Variants in NDUFAF2 observed in about 807,000 individuals in gnomAD.
NDUFAF2 encodes NADH:ubiquinone oxidoreductase complex assembly factor 2.
Under a neutral mutation model 22.8 loss-of-function variants are expected in NDUFAF2, and 13 were observed. The ratio of observed to expected loss-of-function variants is 0.57; its 90% CI spans 0.37 to 0.91. The LOEUF is 0.91. NDUFAF2 is among the 40% of genes least tolerant of loss of function. NDUFAF2 has a pLI of 0.01. For synonymous variants in NDUFAF2, 53 were observed against 64.2 expected (o/e 0.83, Z 0.84); for missense variants, 162 against 195.2 (o/e 0.83, Z 1.01).
chr5:61,112,896 T>TC (rs539181042), intron 3 of NDUFAF2, among the ~76,000 whole-genome samples: 92 of 151,722 alleles, frequency 6.1e-4, no homozygotes, highest in Middle Eastern at 6.8e-3. Flanking sequence ...TTCTTTTTTT[T>TC]TTTTTGTATC....
At chr5:60,990,311 C>G (rs1751141520) in intron 1 of NDUFAF2, among the ~76,000 whole-genome samples, 1 of 152,038 alleles carries the variant, frequency 6.6e-6, no homozygotes, top group Non-Finnish European at 1.5e-5. Context: ...GTTTATAACA[C>G]AAAGGATAAA....
At chr5:60,961,419 C>T (rs555493296) in intron 1 of NDUFAF2, among the ~76,000 whole-genome samples, 19 of 152,100 alleles carry the variant, frequency 1.2e-4, no homozygotes, top group African/African-American at 4.6e-4. Flanking sequence ...CACAGTGAAA[C>T]CCTGTCTCTA....
chr5:61,076,861 C>G (rs1752377353), intron 2 of NDUFAF2, among the ~76,000 whole-genome samples: 1 of 152,156 alleles, frequency 6.6e-6, no homozygotes, highest in Non-Finnish European at 1.5e-5. Context: ...GAAGAAGTTG[C>G]ATTCCGGATC....
intron 3 of NDUFAF2, among the ~76,000 whole-genome samples, chr5:61,132,618 G>T (rs1753126353): frequency 6.6e-6 from 1 of 152,148 alleles, no homozygotes; most frequent in South Asian, 2.1e-4. Context: ...AGCCTTTTCA[G>T]TTTCTCTTAG....
In NDUFAF2 at chr5:60,972,556, G is replaced by A. The variant is rs374055965; in HGVS notation, c.127+27174G>A. On this transcript the variant is annotated intron_variant, in intron 1 of 3. Coordinates refer to ENST00000296597, the MANE Select transcript of NDUFAF2 (RefSeq NM_174889.5). ...GCCTCCCAGGTATGCGGAACTGTGA[G>A]TCAATTCAACCTCTTTTCTTTATAA... is the stretch of plus-strand genomic sequence containing the variant. Among the ~76,000 whole-genome samples, 237 of 152,190 alleles carry A rather than the reference G, an allele frequency of 1.6e-3. 1 individual carries two copies. Among genetic ancestry groups the A allele is most frequent in the African/African-American group, 5.5e-3 (230 of 41,556 alleles).
At chr5:61,088,098 T>C (rs1752525405) in intron 2 of NDUFAF2, among the ~76,000 whole-genome samples, 1 of 152,080 alleles carries the variant, frequency 6.6e-6, no homozygotes, top group Non-Finnish European at 1.5e-5. Context: ...ATTGCTGTTG[T>C]AAGACTGAGA....
intron 1 of NDUFAF2, among the ~76,000 whole-genome samples, chr5:61,049,083 T>C (rs1389274776): frequency 3.9e-5 from 6 of 152,152 alleles, no homozygotes; most frequent in Admixed American, 2.0e-4. Flanking sequence ...TCTTTTTATA[T>C]ATATAGAATT....
At chr5:61,052,500 T>A (rs543526624) in intron 1 of NDUFAF2, among the ~76,000 whole-genome samples, 1 of 151,952 alleles carries the variant, frequency 6.6e-6, no homozygotes, top group South Asian at 2.1e-4. Flanking sequence ...TTAGTAGAGA[T>A]GGGGTTTCAC....
At chr5:61,148,672 AAT>A (rs1741181108) in intron 3 of NDUFAF2, among the ~76,000 whole-genome samples, 1 of 152,212 alleles carries the variant, frequency 6.6e-6, no homozygotes, top group East Asian at 1.9e-4. Context: ...ACAGCTGGTA[AAT>A]GGTAAAACTG....
At chr5:61,001,814 A>G (rs778590887) in intron 1 of NDUFAF2, among the ~76,000 whole-genome samples, 1 of 152,132 alleles carries the variant, frequency 6.6e-6, no homozygotes, top group Non-Finnish European at 1.5e-5. Flanking sequence ...TTATATGGTC[A>G]CCTTATATAA....
chr5:61,023,221 G>A (rs1005329637), intron 1 of NDUFAF2, among the ~76,000 whole-genome samples: 1 of 151,634 alleles, frequency 6.6e-6, no homozygotes, highest in Middle Eastern at 3.2e-3. Flanking sequence ...TTTCTTAAGT[G>A]ATTTTTTTTT....
At chr5:61,132,079 G>A (rs1194747126) in intron 3 of NDUFAF2, among the ~76,000 whole-genome samples, 2 of 152,106 alleles carry the variant, frequency 1.3e-5, no homozygotes, top group African/African-American at 4.8e-5. Context: ...ATGGCAAGCG[G>A]ATTAAATGAG....
At chr5:61,123,160 C>T (rs965345779) in intron 3 of NDUFAF2, among the ~76,000 whole-genome samples, 7 of 152,134 alleles carry the variant, frequency 4.6e-5, no homozygotes, top group African/African-American at 1.7e-4. Flanking sequence ...TTCATATTCT[C>T]CAGTATCTTG....
chr5:61,135,899 C>T (rs185161101), intron 3 of NDUFAF2, among the ~76,000 whole-genome samples: 4 of 150,566 alleles, frequency 2.7e-5, no homozygotes, highest in Admixed American at 2.6e-4. Flanking sequence ...TTGAGGGTCT[C>T]ACCATTTGGA....
chr5:61,067,078 AT>A (rs1470517237), intron 1 of NDUFAF2, among the ~76,000 whole-genome samples: 1 of 152,086 alleles, frequency 6.6e-6, no homozygotes, highest in Non-Finnish European at 1.5e-5. Context: ...AAATGAGTAG[AT>A]TTTAGTTGCT....
intron 1 of NDUFAF2, among the ~76,000 whole-genome samples, chr5:61,007,056 T>C (rs1163007399): frequency 6.6e-6 from 1 of 152,146 alleles, no homozygotes; most frequent in Non-Finnish European, 1.5e-5. Flanking sequence ...TTTTCTCCCA[T>C]TTTGTAGATT....
At chr5:61,020,730 G>A (rs772832740) in intron 1 of NDUFAF2, among the ~76,000 whole-genome samples, 1 of 151,820 alleles carries the variant, frequency 6.6e-6, no homozygotes, top group South Asian at 2.1e-4. Context: ...CAACTCTGTC[G>A]CCCAAGCTGG....
intron 1 of NDUFAF2, among the ~76,000 whole-genome samples, chr5:60,951,450 G>A (rs1369963917): frequency 6.6e-6 from 1 of 152,172 alleles, no homozygotes; most frequent in Non-Finnish European, 1.5e-5. Context: ...GAATAAAGCT[G>A]CTATAAATAT....
At chr5:61,042,992 G>A (rs2111684638) in intron 1 of NDUFAF2, among the ~76,000 whole-genome samples, 1 of 152,330 alleles carries the variant, frequency 6.6e-6, no homozygotes, top group South Asian at 2.1e-4. Flanking sequence ...GGCCAAGGCA[G>A]GCGGATCACT....
Sources: gnomAD v4.1 joint callset for allele counts (sites outside exome capture counted in the v4.1 genomes callset) on GRCh38, gnomAD v4.1.1 for gene constraint, MANE v1.5 for transcripts, NCBI Gene and HGNC (gene_info 2026-07-23, HGNC 2026-07-21) for gene names.